RAB3D: variants seen among roughly 807,000 people sequenced by gnomAD.
RAB3D encodes RAB3D, member RAS oncogene family.
RAB3D carries 17 observed loss-of-function variants against 19.3 expected under a neutral mutation model. The ratio of observed to expected loss-of-function variants is 0.88; its 90% CI spans 0.60 to 1.32. The LOEUF is 1.32. Among genes scored for constraint, RAB3D ranks in the 40% most tolerant of loss-of-function variants. RAB3D has a pLI of 0.00. For missense variants in RAB3D, 223 were observed against 299.1 expected, an observed-to-expected ratio of 0.75 and a Z score of 1.88; for synonymous variants, 103 against 119.9, an observed-to-expected ratio of 0.86 and a Z score of 0.92.
chr19:11,327,718 A>T (rs887560873), intron 4 of RAB3D, among the ~76,000 whole-genome samples: 2 of 152,120 alleles, frequency 1.3e-5, no homozygotes, highest in Admixed American at 1.3e-4. Context: ...GATATTAATC[A>T]GGCGTGGTGG....
At position 11,337,283 on chromosome 19, in the gene RAB3D, CAGGA is replaced by C. The variant is rs1162656433; in HGVS notation, c.113_116del (p.Phe38CysfsTer134). 1 of 1,614,130 alleles carries C rather than the reference CAGGA, an allele frequency of 6.2e-7. No individual in the cohort carries two copies. The highest frequency in any genetic ancestry group is 1.7e-5 in the Admixed American group (1 of 59,998). On this transcript the variant is annotated frameshift_variant, in exon 2 of 5. Coordinates refer to ENST00000222120, the MANE Select transcript of RAB3D (RefSeq NM_004283.4). LOFTEE classifies it high-confidence loss of function. ...TGAAGGAGTCGTCCGCGTATCGGAA[CAGGA>C]AGGAAGTCTTGCCCACACTGCTGTT...
In RAB3D at chr19:11,323,100, C is replaced by G. The variant is rs1465792016; in HGVS notation, c.*2298G>C. The G allele has an allele frequency of 6.7e-6, 1 of 149,462 alleles. No individual in the cohort carries two copies. Among genetic ancestry groups the G allele is most frequent in the African/African-American group, 2.5e-5 (1 of 40,164 alleles). 9.3% of individuals were successfully genotyped at this position (149,462 alleles called of 1,614,324 possible). A position where few individuals can be genotyped will look rare whatever the true frequency, so the allele number is the denominator to read the frequency against. On this transcript the variant is annotated 3_prime_UTR_variant, in exon 5 of 5. Coordinates refer to ENST00000222120, the MANE Select transcript of RAB3D (RefSeq NM_004283.4). ...GCACTGCGGCCTGGGCGACGAGCGA[C>G]TCTCTGTCTTAAAAAAAAAAAAAAC... is the stretch of plus-strand genomic sequence containing the variant.
chr19:11,327,738 G>A (rs1467731103), intron 4 of RAB3D, among the ~76,000 whole-genome samples: 2 of 152,152 alleles, frequency 1.3e-5, no homozygotes, highest in Non-Finnish European at 2.9e-5. Context: ...GTATGCGCCT[G>A]TAATCCCAAC....
Position 11,335,679 on chromosome 19 carries a change from G to A in RAB3D, c.333C>T (p.Ala111=), listed in dbSNP as rs148655689. ...CAAGCACTCACCAGTCCTGCACAGC[G>A]GCAAAGGATTCCTGATTGGCGATGT... The part of the protein sequence containing the change: ...MYDIANQESF[A]AVQDWATQIK... Residue 111 remains alanine, a synonymous_variant, in exon 3 of 5, where the codon GCC becomes GCT. Transcript: ENST00000222120. 64 of 1,614,114 alleles carry A rather than the reference G, an allele frequency of 4.0e-5. No homozygotes were observed. In the African/African-American group the frequency reaches 6.3e-4, roughly 16 times the overall value.
At chr19:11,333,043 A>T (rs2080840471) in intron 4 of RAB3D, among the ~76,000 whole-genome samples, 1 of 152,020 alleles carries the variant, frequency 6.6e-6, no homozygotes, top group Non-Finnish European at 1.5e-5. Flanking sequence ...GCCATGCAAA[A>T]GAATGAGCCA....
At chr19:11,332,685 T>C (rs907941349) in intron 4 of RAB3D, among the ~76,000 whole-genome samples, 1 of 152,210 alleles carries the variant, frequency 6.6e-6, no homozygotes, top group Non-Finnish European at 1.5e-5. Context: ...CTCGCTATAT[T>C]GCCCAAGCTG....
At position 11,325,465 on chromosome 19, in the gene RAB3D, C is replaced by CTGGAG. The variant is rs1397543383; in HGVS notation, c.592_593insCTCCA (p.Gly198AlafsTer46). The stretch of plus-strand genomic sequence containing the variant: ...CACGGCCGGGCCTTTCCCGTTGCTG[C>CTGGAG]CTGAGCTGGAGCTGGGTTCCAGGGA... On this transcript the variant is annotated frameshift_variant, in exon 5 of 5. Transcript: ENST00000222120. LOFTEE classifies it high-confidence loss of function. 1 of 1,612,318 alleles carries CTGGAG rather than the reference C, an allele frequency of 6.2e-7. No individual in the cohort carries two copies. Among genetic ancestry groups the CTGGAG allele is most frequent in the Non-Finnish European group, 8.5e-7 (1 of 1,180,020 alleles).
intron 4 of RAB3D, among the ~76,000 whole-genome samples, chr19:11,327,964 G>A (rs548101113): frequency 6.6e-6 from 1 of 152,174 alleles, no homozygotes; most frequent in East Asian, 1.9e-4. Flanking sequence ...TTGGGAGACT[G>A]AGGCAGGTGG....
rs536959248 is a variant in RAB3D at position 11,335,863 on chromosome 19, A to T, written c.229-80T>A. 1,622 of 1,296,548 alleles carry T rather than the reference A, an allele frequency of 1.3e-3. 3 individuals are homozygous for T. The highest frequency in any genetic ancestry group is 1.5e-3 in the Non-Finnish European group (1,355 of 895,922). 80.3% of individuals were successfully genotyped at this position (1,296,548 alleles called of 1,614,324 possible). On this transcript the variant is annotated intron_variant, in intron 2 of 4. Coordinates refer to ENST00000222120, the MANE Select transcript of RAB3D (RefSeq NM_004283.4). The stretch of plus-strand genomic sequence containing the variant: ...CTGTCTTAGAGGGGCACTGCCCTGT[A>T]CTCATAGCCCCAGCCTTACGGGGGA...
chr19:11,326,815 G>T (rs1385006582), intron 4 of RAB3D: 1 of 687,040 alleles, frequency 1.5e-6, no homozygotes, highest in East Asian at 2.8e-5. Flanking sequence ...TCGCTATGTT[G>T]CGCAGGCTGG....
chr19:11,330,191 G>A (rs2080830819), intron 4 of RAB3D, among the ~76,000 whole-genome samples: 1 of 152,134 alleles, frequency 6.6e-6, no homozygotes. Context: ...CAAAGCAATG[G>A]CAAGAATAAA....
intron 1 of RAB3D, among the ~76,000 whole-genome samples, chr19:11,337,769 C>T (rs1010146998): frequency 6.6e-6 from 1 of 151,648 alleles, no homozygotes; most frequent in Non-Finnish European, 1.5e-5. Flanking sequence ...CTCCTGGGCT[C>T]GAGTGATCCT....
At position 11,325,488 on chromosome 19, in the gene RAB3D, G is replaced by C. The variant is rs894231567; in HGVS notation, c.570C>G (p.Ser190=). The C allele has an allele frequency of 1.9e-6, 3 of 1,613,220 alleles. No individual in the cohort carries two copies. Among genetic ancestry groups the C allele is most frequent in the African/African-American group, 2.7e-5 (2 of 74,902 alleles). The change falls in exon 5 of 5, where the codon TCC becomes TCG. Residue 190 remains serine (S), a synonymous_variant. Transcript: ENST00000222120. ...TGCCTGAGCTGGAGCTGGGTTCCAGGGACTCGTTCATCTTCTCGCAGATGA... is the reference window on the plus strand; with the variant it reads ...TGCCTGAGCTGGAGCTGGGTTCCAGCGACTCGTTCATCTTCTCGCAGATGA... ...VDVICEKMNE[S]LEPSSSSGSN...
rs1973300496 is a variant in RAB3D, at chr19:11,322,489, A to G, written c.*2909T>C. 6.6e-6 allele frequency: 1 copy of G among 152,154 alleles called. No individual in the cohort carries two copies. The highest frequency in any genetic ancestry group is 2.4e-5 in the African/African-American group (1 of 41,442). The allele number at this position is 152,154 out of a possible 1,614,324, so 9.4% of individuals were successfully genotyped here. ...ACTGGTTAGTGGGTGGTCCTGACCA[A>G]TCCCCTGGAGCTGGAGAGGGGTTTT... On this transcript the variant is annotated 3_prime_UTR_variant, in exon 5 of 5. Coordinates refer to ENST00000222120, the MANE Select transcript of RAB3D (RefSeq NM_004283.4).
intron 4 of RAB3D, chr19:11,326,848 G>T (rs1432276682): frequency 4.6e-6 from 3 of 652,904 alleles, no homozygotes; most frequent in South Asian, 3.3e-5. Context: ...GGCCTAAAGC[G>T]ATCCCCCCGC....
intron 3 of RAB3D, 31 bp downstream of exon 3, chr19:11,335,634 G>T (rs2080850030): frequency 1.2e-6 from 2 of 1,613,748 alleles, no homozygotes; most frequent in African/African-American, 1.3e-5. Context: ...AGAGGGCAAA[G>T]ATCAGGGGTC....
Position 11,325,469 on chromosome 19 carries a change from A to G in RAB3D, c.589T>C (p.Ser197Pro). The G allele has an allele frequency of 6.2e-7, 1 of 1,612,604 alleles. No individual in the cohort carries two copies. The highest frequency in any genetic ancestry group is 1.1e-5 in the South Asian group (1 of 91,066). The change falls in exon 5 of 5, where the codon TCA becomes CCA. Residue 197 changes from serine to proline, a missense_variant. Coordinates refer to ENST00000222120, the MANE Select transcript of RAB3D (RefSeq NM_004283.4). The stretch of plus-strand genomic sequence containing the variant: ...GCCGGGCCTTTCCCGTTGCTGCCTG[A>G]GCTGGAGCTGGGTTCCAGGGACTCG... ...MNESLEPSSS[S>P]GSNGKGPAVG...
intron 2 of RAB3D, among the ~76,000 whole-genome samples, chr19:11,336,892 C>T (rs1281644832): frequency 4.0e-5 from 6 of 151,402 alleles, no homozygotes; most frequent in Non-Finnish European, 5.9e-5. Context: ...ATTGCTTGAA[C>T]CCAGGAGACG....
At chr19:11,330,678 T>A (rs2080832485) in intron 4 of RAB3D, among the ~76,000 whole-genome samples, 1 of 152,016 alleles carries the variant, frequency 6.6e-6, no homozygotes, top group Non-Finnish European at 1.5e-5. Context: ...GCCTCCTGAG[T>A]AGCTGGGATT....
Sources: allele counts gnomAD v4.1 joint callset (sites outside exome capture counted in the v4.1 genomes callset), GRCh38; gene constraint gnomAD v4.1.1; transcripts MANE v1.5; gene names NCBI Gene and HGNC (gene_info 2026-07-23, HGNC 2026-07-21).